C1QTNF3: variants seen among roughly 807,000 people sequenced by gnomAD.
C1QTNF3 encodes the protein C1q and TNF related 3, also known as complement C1q tumor necrosis factor-related protein 3.
A neutral mutation model predicts 32.6 loss-of-function variants in C1QTNF3; 26 were observed. That is an observed-to-expected ratio of 0.80 (90% CI 0.58 to 1.11). The LOEUF (loss-of-function observed/expected upper bound fraction) is 1.11. C1QTNF3 is among the 50% of genes least tolerant of loss of function. C1QTNF3 has a pLI of 0.00. For synonymous variants in C1QTNF3, 155 were observed against 146.0 expected (o/e 1.06, Z -0.44); for missense variants, 362 against 398.2 (o/e 0.91, Z 0.77).
the C1QTNF3 span, among the ~76,000 whole-genome samples, chr5:34,216,153 G>C: frequency 6.6e-6 from 1 of 152,214 alleles, no homozygotes; most frequent in Non-Finnish European, 1.5e-5. Context: ...CAAACACTTT[G>C]GGGATGGTAA....
At chr5:34,118,872 CCTTT>C in the C1QTNF3 span, among the ~76,000 whole-genome samples, 1 of 151,918 alleles carries the variant, frequency 6.6e-6, no homozygotes, top group Admixed American at 6.6e-5. Flanking sequence ...TGCTTCTTTT[CCTTT>C]CTTAGTGTTC....
chr5:34,121,827 C>T, the C1QTNF3 span, among the ~76,000 whole-genome samples: 1 of 152,060 alleles, frequency 6.6e-6, no homozygotes, highest in Non-Finnish European at 1.5e-5. Context: ...GGAGTAAAGC[C>T]TTCATGAATG....
the C1QTNF3 span, among the ~76,000 whole-genome samples, chr5:34,176,227 G>A: frequency 1.4e-5 from 2 of 145,630 alleles, no homozygotes; most frequent in Non-Finnish European, 3.0e-5. Context: ...CACAGGAAGG[G>A]GAACATCACA....
chr5:34,158,106 C>CTTTTTTT, the C1QTNF3 span: 2 of 131,798 alleles, frequency 1.5e-5, no homozygotes, highest in African/African-American at 5.6e-5. Context: ...GGCTGCTTTT[C>CTTTTTTT]TTTTTTTTTT....
intron 5 of C1QTNF3, 64 bp from the exon 6 acceptor site, chr5:34,020,806 G>A: frequency 2.0e-6 from 3 of 1,518,988 alleles, no homozygotes; most frequent in East Asian, 4.5e-5. Flanking sequence ...CTTCACCAAA[G>A]TCTGTGCTCC....
chr5:34,169,304 T>C, the C1QTNF3 span, among the ~76,000 whole-genome samples: 1 of 152,038 alleles, frequency 6.6e-6, no homozygotes, highest in Non-Finnish European at 1.5e-5. Context: ...GTCTGTGAAG[T>C]AGAGTTATTT....
the C1QTNF3 span, among the ~76,000 whole-genome samples, chr5:34,110,923 AAATT>A: frequency 1.1e-4 from 17 of 151,890 alleles, no homozygotes; most frequent in African/African-American, 3.6e-4. Context: ...TAAAAAAAAA[AAATT>A]ATTAGAAGAT....
chr5:34,037,063 T>C (rs1754761256), intron 1 of C1QTNF3, among the ~76,000 whole-genome samples: 1 of 152,230 alleles, frequency 6.6e-6, no homozygotes, highest in Non-Finnish European at 1.5e-5. Flanking sequence ...TGCTTATTTA[T>C]ACAAAGATAA....
chr5:34,076,557 G>T, the C1QTNF3 span, among the ~76,000 whole-genome samples: 2 of 151,254 alleles, frequency 1.3e-5, no homozygotes, highest in African/African-American at 2.5e-5. Context: ...TAAAATTTGG[G>T]TCACAGAATT....
chr5:34,021,376 A>G (rs1754324953), intron 5 of C1QTNF3, among the ~76,000 whole-genome samples: 1 of 152,232 alleles, frequency 6.6e-6, no homozygotes, highest in Non-Finnish European at 1.5e-5. Flanking sequence ...GTGACTGGAA[A>G]AAGCCAAAGT....
the C1QTNF3 span, among the ~76,000 whole-genome samples, chr5:34,169,835 T>C: frequency 6.6e-6 from 1 of 152,150 alleles, no homozygotes; most frequent in Non-Finnish European, 1.5e-5. Flanking sequence ...ACATTGAGAA[T>C]GTACAATGAT....
At chr5:34,033,608 A>G in intron 2 of C1QTNF3, 150 bp from the exon 3 acceptor site, 1 of 947,914 alleles carries the variant, frequency 1.1e-6, no homozygotes, top group Admixed American at 2.5e-5. Flanking sequence ...TAAATAGGGC[A>G]ATAGGCTCTG....
chr5:34,146,474 G>T, the C1QTNF3 span, among the ~76,000 whole-genome samples: 3 of 152,104 alleles, frequency 2.0e-5, no homozygotes, highest in African/African-American at 2.4e-5. Flanking sequence ...CACACATGTA[G>T]ATCAATGGTA....
the C1QTNF3 span, among the ~76,000 whole-genome samples, chr5:34,082,170 T>C: frequency 6.6e-6 from 1 of 151,594 alleles, no homozygotes; most frequent in South Asian, 2.1e-4. Context: ...ATAAATGAGA[T>C]GTTGCTTTGC....
chr5:34,084,787 TGG>T, the C1QTNF3 span, among the ~76,000 whole-genome samples: 1 of 99,556 alleles, frequency 1.0e-5, no homozygotes, highest in African/African-American at 5.2e-5. Flanking sequence ...CTGGTTTTTC[TGG>T]TTTTTTTTTT....
At chr5:34,222,530 A>G in the C1QTNF3 span, among the ~76,000 whole-genome samples, 110 of 152,062 alleles carry the variant, frequency 7.2e-4, no homozygotes, top group African/African-American at 2.6e-3. Context: ...TTTTATGTCT[A>G]TGGTTACCCT....
chr5:34,106,048 T>G, the C1QTNF3 span: 2 of 150,146 alleles, frequency 1.3e-5, no homozygotes, highest in Non-Finnish European at 3.0e-5. Flanking sequence ...ATTACTTTTC[T>G]TATTTTGGTA....
chr5:34,057,898 C>T, the C1QTNF3 span, among the ~76,000 whole-genome samples: 4 of 152,192 alleles, frequency 2.6e-5, no homozygotes, highest in African/African-American at 9.6e-5. Context: ...TGTAAACATG[C>T]CAGTGTTCGT....
the C1QTNF3 span, among the ~76,000 whole-genome samples, chr5:34,124,917 C>G: frequency 6.6e-6 from 1 of 152,142 alleles, no homozygotes; most frequent in Non-Finnish European, 1.5e-5. Context: ...GATTTGATAT[C>G]TCCTATACGC....
Sources: allele counts gnomAD v4.1 joint callset (sites outside exome capture counted in the v4.1 genomes callset), GRCh38; gene constraint gnomAD v4.1.1; transcripts MANE v1.5; gene names NCBI Gene and HGNC (gene_info 2026-07-23, HGNC 2026-07-21).